Variants in TRAPPC9 observed in about 807,000 individuals in gnomAD.
TRAPPC9 encodes trafficking protein particle complex subunit 9.
A neutral mutation model predicts 124.0 loss-of-function variants in TRAPPC9; 83 were observed. The observed-to-expected ratio is 0.67, with a 90% CI of 0.56 to 0.80. The LOEUF is 0.80. TRAPPC9 is among the 30% of genes least tolerant of loss of function. The pLI is 0.00. For synonymous variants in TRAPPC9, 638 were observed against 617.5 expected (o/e 1.03, Z -0.49); for missense variants, 1,302 against 1,508.3 (o/e 0.86, Z 2.27).
chr8:140,027,538 G>A (rs1840224701), intron 17 of TRAPPC9, among the ~76,000 whole-genome samples: 1 of 152,156 alleles, frequency 6.6e-6, no homozygotes, highest in Admixed American at 6.5e-5. Flanking sequence ...GAAATAGTCT[G>A]TGTTTCTACT....
intron 21 of TRAPPC9, among the ~76,000 whole-genome samples, chr8:139,815,698 C>T (rs1011491807): frequency 1.3e-5 from 2 of 152,222 alleles, no homozygotes; most frequent in African/African-American, 4.8e-5. Context: ...CAAGCACTCA[C>T]TAACATTCAA....
chr8:139,993,839 T>C (rs1051019618), intron 18 of TRAPPC9, among the ~76,000 whole-genome samples: 1 of 152,194 alleles, frequency 6.6e-6, no homozygotes, highest in East Asian at 1.9e-4. Flanking sequence ...TACTCGATAT[T>C]ATCTATAAAT....
intron 7 of TRAPPC9, among the ~76,000 whole-genome samples, chr8:140,372,678 G>A (rs1297321622): frequency 1.3e-5 from 2 of 152,164 alleles, no homozygotes; most frequent in Non-Finnish European, 2.9e-5. Context: ...TGGAATTAGT[G>A]CCCTTATAAG....
intron 17 of TRAPPC9, among the ~76,000 whole-genome samples, chr8:140,038,939 T>C (rs1031596590): frequency 2.0e-5 from 3 of 152,018 alleles, no homozygotes; most frequent in African/African-American, 7.2e-5. Flanking sequence ...CCTCACACCC[T>C]CGTACCTGGA....
intron 20 of TRAPPC9, among the ~76,000 whole-genome samples, chr8:139,909,398 C>T (rs1472895643): frequency 9.8e-5 from 15 of 152,316 alleles, no homozygotes; most frequent in East Asian, 3.9e-4. Flanking sequence ...CTGCAGCACT[C>T]GGCAGGGTGC....
At chr8:140,101,486 T>A (rs1456153109) in intron 17 of TRAPPC9, among the ~76,000 whole-genome samples, 1 of 151,828 alleles carries the variant, frequency 6.6e-6, no homozygotes, top group African/African-American at 2.4e-5. Context: ...GAGAAATATT[T>A]GAAAATTCTG....
At chr8:140,155,986 G>A (rs1033898974) in intron 17 of TRAPPC9, among the ~76,000 whole-genome samples, 3 of 152,120 alleles carry the variant, frequency 2.0e-5, no homozygotes, top group Non-Finnish European at 2.9e-5. Flanking sequence ...GGAAGGGAGT[G>A]GTGAGGTTTG....
chr8:140,317,037 T>G (rs2066461228), intron 9 of TRAPPC9, among the ~76,000 whole-genome samples: 1 of 152,174 alleles, frequency 6.6e-6, no homozygotes, highest in African/African-American at 2.4e-5. Context: ...CTTGTGATCT[T>G]TTATGTTTCT....
At chr8:139,919,422 G>A (rs1397974370) in intron 19 of TRAPPC9, among the ~76,000 whole-genome samples, 2 of 152,324 alleles carry the variant, frequency 1.3e-5, no homozygotes, top group South Asian at 2.1e-4. Context: ...GGACGACGGT[G>A]ATGGTTGCAC....
chr8:140,281,260 C>T (rs2065314201), intron 14 of TRAPPC9, among the ~76,000 whole-genome samples: 2 of 152,226 alleles, frequency 1.3e-5, no homozygotes, highest in African/African-American at 4.8e-5. Flanking sequence ...ATCGGCCTCG[C>T]ACGAGGCGTC....
At chr8:140,408,608 T>A (rs2069582673) in intron 5 of TRAPPC9, among the ~76,000 whole-genome samples, 1 of 152,148 alleles carries the variant, frequency 6.6e-6, no homozygotes, top group African/African-American at 2.4e-5. Flanking sequence ...TAACATCTGC[T>A]GTCCAACTAC....
intron 17 of TRAPPC9, 133 bp downstream of exon 17, chr8:140,221,326 A>G: frequency 7.4e-7 from 1 of 1,353,764 alleles, no homozygotes; most frequent in Non-Finnish European, 1.0e-6. Context: ...CCAAGAACAA[A>G]GAATACCAAG....
chr8:140,004,908 C>T (rs1424112399), intron 18 of TRAPPC9, among the ~76,000 whole-genome samples: 1 of 152,194 alleles, frequency 6.6e-6, no homozygotes, highest in Non-Finnish European at 1.5e-5. Context: ...CCACCCACAC[C>T]TTTGGTCAAA....
At chr8:140,331,457 A>G (rs1158428893) in intron 9 of TRAPPC9, among the ~76,000 whole-genome samples, 3 of 152,222 alleles carry the variant, frequency 2.0e-5, no homozygotes, top group Non-Finnish European at 4.4e-5. Flanking sequence ...GCCAATAAAA[A>G]CAGAAATAGA....
chr8:140,128,361 G>T (rs190135217), intron 17 of TRAPPC9, among the ~76,000 whole-genome samples: 2 of 152,378 alleles, frequency 1.3e-5, no homozygotes, highest in East Asian at 3.9e-4. Context: ...ATCCATGGGA[G>T]ATGGCTGGTG....
At chr8:140,455,995 G>A (rs531941155) in intron 1 of TRAPPC9, among the ~76,000 whole-genome samples, 115 of 152,312 alleles carry the variant, frequency 7.6e-4, no homozygotes, top group Non-Finnish European at 1.4e-3. Flanking sequence ...GTAAACCGGT[G>A]GCCGCCAGGG....
Position 139,742,145 on chromosome 8 carries a change from G to C in TRAPPC9, c.3056-9943C>G, listed in dbSNP as rs1041046708. ...CCATTCCCAGCGGCGGTGCGGGAGA[G>C]GCCTGACTGCTCCACGCCTTCTATG... On this transcript the variant is annotated intron_variant, in intron 21 of 22. Coordinates refer to ENST00000438773, the MANE Select transcript of TRAPPC9 (RefSeq NM_001160372.4). This position sits in a 1 kb window ranked among gnomAD's most constrained non-coding sequence, Gnocchi z 4.7. Among the ~76,000 whole-genome samples the C allele has an allele frequency of 2.0e-5, 3 of 152,190 alleles. No homozygotes were observed. Among genetic ancestry groups the C allele is most frequent in the Non-Finnish European group, 4.4e-5 (3 of 68,034 alleles).
At chr8:140,077,139 C>T (rs1218019411) in intron 17 of TRAPPC9, among the ~76,000 whole-genome samples, 1 of 151,878 alleles carries the variant, frequency 6.6e-6, no homozygotes, top group Non-Finnish European at 1.5e-5. Flanking sequence ...GTGCTCCAGC[C>T]CGAGTGAGAG....
chr8:139,829,505 G>A (rs762454137), intron 21 of TRAPPC9, among the ~76,000 whole-genome samples: 3 of 152,200 alleles, frequency 2.0e-5, no homozygotes, highest in Non-Finnish European at 2.9e-5. Flanking sequence ...GCAAACACAC[G>A]AGTGCAATCT....
Sources: allele counts gnomAD v4.1 joint callset (sites outside exome capture counted in the v4.1 genomes callset), GRCh38; gene constraint gnomAD v4.1.1; non-coding constraint Gnocchi (gnomAD v3.1); transcripts MANE v1.5; gene names NCBI Gene and HGNC (gene_info 2026-07-23, HGNC 2026-07-21).